The following TANGO6 variants were observed in gnomAD, a reference collection of about 807,000 sequenced individuals.
TANGO6 encodes the protein transport and golgi organization 6 homolog.
In TANGO6, 90 loss-of-function variants were observed where a neutral mutation model predicts 114.2. That is an observed-to-expected ratio of 0.79 (90% confidence interval 0.66 to 0.94). The LOEUF is 0.94. Among genes scored for constraint, TANGO6 ranks in the 40% least tolerant of loss-of-function variants. TANGO6 has a pLI of 0.00. For missense variants in TANGO6, 1,274 were observed against 1,315.3 expected (o/e 0.97, Z 0.49); for synonymous variants, 477 against 509.8 (o/e 0.94, Z 0.87).
chr16:68,905,559 TAGTA>T (rs1328918542), intron 9 of TANGO6, among the ~76,000 whole-genome samples: 1 of 144,264 alleles, frequency 6.9e-6, no homozygotes. Flanking sequence ...GTTAAAAAAA[TAGTA>T]AGTACACACA....
intron 4 of TANGO6, among the ~76,000 whole-genome samples, chr16:68,872,583 T>C (rs1962290217): frequency 6.6e-6 from 1 of 151,674 alleles, no homozygotes; most frequent in African/African-American, 2.4e-5. Flanking sequence ...ATTACAGACA[T>C]GAGCCACCGC....
At chr16:68,884,331 A>G (rs77968866) in intron 7 of TANGO6, among the ~76,000 whole-genome samples, 11,067 of 152,290 alleles carry the variant, frequency 0.073, 438 homozygotes, top group Admixed American at 0.11. Flanking sequence ...CAGATTGCTC[A>G]GAGATTGAAA....
intron 15 of TANGO6, among the ~76,000 whole-genome samples, chr16:69,021,954 C>T (rs899739084): frequency 8.7e-5 from 13 of 148,854 alleles, no homozygotes; most frequent in Admixed American, 3.4e-4. Context: ...GGCGCAATCT[C>T]GGCTCACTGC....
intron 11 of TANGO6, 94 bp from the exon 12 acceptor site, chr16:68,918,991 A>G (rs1682059180): frequency 7.1e-7 from 1 of 1,418,206 alleles, no homozygotes; most frequent in African/African-American, 1.4e-5. Flanking sequence ...CATGATGTAG[A>G]TGAAGAAGAT....
intron 3 of TANGO6, among the ~76,000 whole-genome samples, chr16:68,864,827 C>T (rs2152160133): frequency 1.3e-5 from 2 of 152,218 alleles, no homozygotes; most frequent in Middle Eastern, 6.8e-3. Flanking sequence ...AATTACAATG[C>T]CTTCCTTGTA....
At chr16:68,939,653 A>G (rs1180744794) in intron 14 of TANGO6, among the ~76,000 whole-genome samples, 1 of 152,040 alleles carries the variant, frequency 6.6e-6, no homozygotes, top group African/African-American at 2.4e-5. Context: ...AAAACAGGGA[A>G]CACATCTTTC....
At chr16:68,902,925 T>C (rs1260333476) in intron 9 of TANGO6, among the ~76,000 whole-genome samples, 1 of 152,236 alleles carries the variant, frequency 6.6e-6, no homozygotes, top group Non-Finnish European at 1.5e-5. Flanking sequence ...GGTAATTTTA[T>C]GATGGAAATT....
intron 14 of TANGO6, among the ~76,000 whole-genome samples, chr16:68,938,740 G>A (rs987174413): frequency 6.6e-6 from 1 of 152,004 alleles, no homozygotes; most frequent in Non-Finnish European, 1.5e-5. Flanking sequence ...AGTGACCTGG[G>A]CCACATTTGA....
rs777690874 is a variant in TANGO6 at position 68,909,207 on chromosome 16, G to C, written c.1801-4G>C. The C allele has an allele frequency of 1.3e-6, 2 of 1,531,928 alleles. No homozygotes were observed. The allele number at this position is 1,531,928 out of a possible 1,614,324, so 94.9% of individuals were successfully genotyped here. ...TCACTTTTTCTTTCCTGCCATGCTT[G>C]TAGGAGTTGACTCATGTGGCCTCGG... On this transcript the variant is annotated splice_polypyrimidine_tract_variant and splice_region_variant and intron_variant, in intron 10 of 17. Coordinates refer to ENST00000261778, the MANE Select transcript of TANGO6 (RefSeq NM_024562.2).
At chr16:68,916,224 G>A (rs1963002634) in intron 11 of TANGO6, among the ~76,000 whole-genome samples, 1 of 152,144 alleles carries the variant, frequency 6.6e-6, no homozygotes, top group Admixed American at 6.6e-5. Context: ...TCTGTGGCCT[G>A]TTAGGAACCA....
At chr16:69,042,049 C>T (rs1959781767) in intron 17 of TANGO6, among the ~76,000 whole-genome samples, 1 of 152,138 alleles carries the variant, frequency 6.6e-6, no homozygotes, top group African/African-American at 2.4e-5. Context: ...CCAGAACCCC[C>T]CAGGAGAATT....
chr16:69,003,608 CA>C (rs1964064533), intron 15 of TANGO6, among the ~76,000 whole-genome samples: 1 of 152,156 alleles, frequency 6.6e-6, no homozygotes, highest in South Asian at 2.1e-4. Flanking sequence ...CGTGTTTTAA[CA>C]TAGGGGACCA....
chr16:69,067,164 C>CG (rs1248456674), intron 17 of TANGO6, among the ~76,000 whole-genome samples: 1 of 152,138 alleles, frequency 6.6e-6, no homozygotes, highest in Admixed American at 6.6e-5. Context: ...CCCGAAGTGC[C>CG]GGGATCATAG....
intron 17 of TANGO6, among the ~76,000 whole-genome samples, chr16:69,079,151 C>T (rs2152245086): frequency 6.6e-6 from 1 of 151,992 alleles, no homozygotes; most frequent in East Asian, 2.0e-4. Flanking sequence ...CATGGCAAAA[C>T]CCTGTCTCTA....
At chr16:69,032,587 A>C (rs1023651171) in intron 16 of TANGO6, among the ~76,000 whole-genome samples, 1 of 152,062 alleles carries the variant, frequency 6.6e-6, no homozygotes, top group African/African-American at 2.4e-5. Flanking sequence ...TCTTTTAAAA[A>C]GTTACTGTTG....
chr16:68,916,666 A>G (rs1322935024), intron 11 of TANGO6, among the ~76,000 whole-genome samples: 2 of 152,146 alleles, frequency 1.3e-5, no homozygotes, highest in Admixed American at 6.5e-5. Flanking sequence ...CAGGGCAGGA[A>G]TCCCTGAGGA....
At chr16:68,934,995 C>T (rs1026503277) in intron 14 of TANGO6, among the ~76,000 whole-genome samples, 5 of 152,206 alleles carry the variant, frequency 3.3e-5, no homozygotes, top group African/African-American at 9.7e-5. Context: ...TTTCTGTTCT[C>T]AGCTCCCCAA....
At chr16:69,007,433 C>A (rs2152223035) in intron 15 of TANGO6, among the ~76,000 whole-genome samples, 2 of 151,978 alleles carry the variant, frequency 1.3e-5, no homozygotes, top group East Asian at 3.9e-4. Context: ...CCACACCTTG[C>A]TAATTTTTTG....
At chr16:68,901,501 T>C (rs1240199287) in intron 8 of TANGO6, among the ~76,000 whole-genome samples, 2 of 152,208 alleles carry the variant, frequency 1.3e-5, no homozygotes, top group Non-Finnish European at 2.9e-5. Flanking sequence ...TGTTTTTGTT[T>C]TTTTTGAGAC....
Sources: gnomAD v4.1 joint callset for allele counts (sites outside exome capture counted in the v4.1 genomes callset) on GRCh38, gnomAD v4.1.1 for gene constraint, MANE v1.5 for transcripts, NCBI Gene and HGNC (gene_info 2026-07-23, HGNC 2026-07-21) for gene names.